Variants in PPM1H observed in about 807,000 individuals in gnomAD.
PPM1H encodes the protein protein phosphatase, Mg2+/Mn2+ dependent 1H.
Under a neutral mutation model 54.9 loss-of-function variants are expected in PPM1H, and 27 were observed. That is an observed-to-expected ratio of 0.49 (90% CI 0.36 to 0.68). The LOEUF is 0.68. Ranked by LOEUF, PPM1H falls within the 30% of genes least tolerant of loss-of-function variation. PPM1H has a pLI of 0.00. For missense variants in PPM1H, 596 were observed against 667.8 expected (o/e 0.89, Z 1.19); for synonymous variants, 305 against 270.8 (o/e 1.13, Z -1.24).
intron 9 of PPM1H, among the ~76,000 whole-genome samples, chr12:62,666,912 C>G (rs2075921446): frequency 6.6e-6 from 1 of 152,126 alleles, no homozygotes. Flanking sequence ...CAGGGTTTCA[C>G]CATGTTGGCC....
chr12:62,669,690 A>G (rs890198299), intron 8 of PPM1H, among the ~76,000 whole-genome samples: 1 of 152,092 alleles, frequency 6.6e-6, no homozygotes, highest in African/African-American at 2.4e-5. Context: ...CACTGCTAAT[A>G]GGAGGCCAAG....
intron 9 of PPM1H, among the ~76,000 whole-genome samples, chr12:62,660,095 T>C (rs1317941839): frequency 6.6e-6 from 1 of 152,226 alleles, no homozygotes; most frequent in Admixed American, 6.5e-5. Flanking sequence ...TGGCAACTTC[T>C]ACTCATATTT....
intron 2 of PPM1H, among the ~76,000 whole-genome samples, chr12:62,817,137 G>GAAAAAAAAAAAACAAAAAAAA (rs2076872383): frequency 1.5e-5 from 1 of 67,364 alleles, no homozygotes; most frequent in Non-Finnish European, 2.8e-5. Flanking sequence ...AAAAAAAAAA[G>GAAAAAAAAAAAACAAAAAAAA]AAAAAAAAAA....
At chr12:62,722,066 A>T (rs2120468995) in intron 5 of PPM1H, among the ~76,000 whole-genome samples, 1 of 152,186 alleles carries the variant, frequency 6.6e-6, no homozygotes, top group Non-Finnish European at 1.5e-5. Flanking sequence ...GCACTAAACT[A>T]AGCACGGCAC....
intron 1 of PPM1H, among the ~76,000 whole-genome samples, chr12:62,887,374 G>A (rs1042278461): frequency 3.3e-5 from 5 of 152,188 alleles, no homozygotes; most frequent in African/African-American, 1.2e-4. Context: ...TGTGGACCTT[G>A]CTGCTCCTTA....
chr12:62,789,400 G>A (rs1411408173), intron 3 of PPM1H, among the ~76,000 whole-genome samples: 4 of 152,172 alleles, frequency 2.6e-5, no homozygotes, highest in Admixed American at 2.6e-4. Flanking sequence ...CAGGAGTCAA[G>A]CCATGACTTA....
In PPM1H at chr12:62,876,535, C is replaced by T. The variant is rs187540067; in HGVS notation, c.246-44256G>A. Among the ~76,000 whole-genome samples the T allele has an allele frequency of 3.3e-5, 5 of 152,278 alleles. No individual in the cohort carries two copies. In the East Asian group the frequency reaches 7.7e-4, roughly 24 times the overall value. ...TAAAAAGACTTAAAACCATGACACA[C>T]GAGGATGTTCAACTTAGGAAAAGAA... On this transcript the variant is annotated intron_variant, in intron 1 of 9. Transcript: ENST00000228705.
rs115205980 is a variant in PPM1H, at chr12:62,777,475, C to G, written c.869+10751G>C. Among the ~76,000 whole-genome samples, 593 of 152,322 alleles carry G rather than the reference C, an allele frequency of 3.9e-3. 3 individuals are homozygous for G. The highest frequency in any genetic ancestry group is 0.014 in the African/African-American group (577 of 41,564). On this transcript the variant is annotated intron_variant, in intron 4 of 9. Transcript: ENST00000228705. ...TAAAAATATTCATTGAATCCTGCTC[C>G]TACCATGACATTTTACTCTGCTTAT...
At chr12:62,857,474 AT>A (rs1285918037) in intron 1 of PPM1H, among the ~76,000 whole-genome samples, 1 of 152,184 alleles carries the variant, frequency 6.6e-6, no homozygotes. Context: ...AATTTATTGT[AT>A]TTATTCACAT....
intron 1 of PPM1H, among the ~76,000 whole-genome samples, chr12:62,891,043 A>G (rs1385290939): frequency 7.6e-6 from 1 of 131,408 alleles, no homozygotes; most frequent in Non-Finnish European, 1.5e-5. Flanking sequence ...CAGGAGGTGG[A>G]GGTTGCAGTG....
At chr12:62,893,147 A>G (rs1565821912) in intron 1 of PPM1H, among the ~76,000 whole-genome samples, 1 of 152,230 alleles carries the variant, frequency 6.6e-6, no homozygotes, top group African/African-American at 2.4e-5. Flanking sequence ...AAAATAAGAA[A>G]ATATGTGACA....
intron 4 of PPM1H, among the ~76,000 whole-genome samples, chr12:62,771,132 G>A (rs1019065612): frequency 7.1e-6 from 1 of 140,604 alleles, no homozygotes; most frequent in Non-Finnish European, 1.5e-5. Context: ...CTTTTTAAAG[G>A]CTTTGTTGAA....
chr12:62,725,660 T>G (rs770852304), intron 5 of PPM1H, among the ~76,000 whole-genome samples: 3 of 152,238 alleles, frequency 2.0e-5, no homozygotes, highest in African/African-American at 7.2e-5. Flanking sequence ...TAGATTTGTA[T>G]GCTTTTCTCT....
Position 62,896,548 on chromosome 12 carries a change from A to C in PPM1H, c.245+37944T>G, listed in dbSNP as rs142841920. 5.0e-3 allele frequency among the ~76,000 whole-genome samples: 769 copies of C among 152,362 alleles called. 8 individuals are homozygous for C. The highest frequency in any genetic ancestry group is 0.031 in the Middle Eastern group (9 of 294). ...AGAAATGCAAATCAAAACCACAGTG[A>C]GGTACCATCTCACACCAGTTAGAAT... On this transcript the variant is annotated intron_variant, in intron 1 of 9. Coordinates refer to ENST00000228705, the MANE Select transcript of PPM1H (RefSeq NM_020700.2).
intron 1 of PPM1H, among the ~76,000 whole-genome samples, chr12:62,862,159 G>A (rs991224926): frequency 7.9e-5 from 12 of 152,130 alleles, no homozygotes; most frequent in Non-Finnish European, 5.9e-5. Flanking sequence ...CCCAGAGAGC[G>A]GGCTGCTGAC....
chr12:62,747,505 TG>T (rs1185414867), intron 4 of PPM1H, among the ~76,000 whole-genome samples: 1 of 152,168 alleles, frequency 6.6e-6, no homozygotes, highest in Admixed American at 6.5e-5. Flanking sequence ...CCGAAAGTGT[TG>T]GGATGGCAGG....
chr12:62,790,435 G>T (rs554049130), intron 3 of PPM1H, among the ~76,000 whole-genome samples: 38 of 152,296 alleles, frequency 2.5e-4, no homozygotes, highest in African/African-American at 7.9e-4. Context: ...AGCTGGGTGT[G>T]GTGGCACATG....
At chr12:62,766,215 C>G (rs1259259797) in intron 4 of PPM1H, among the ~76,000 whole-genome samples, 1 of 151,990 alleles carries the variant, frequency 6.6e-6, no homozygotes, top group Non-Finnish European at 1.5e-5. Flanking sequence ...ACTTAGTGGC[C>G]TAAGAAAACA....
At chr12:62,752,300 C>T (rs539644267) in intron 4 of PPM1H, among the ~76,000 whole-genome samples, 3 of 152,068 alleles carry the variant, frequency 2.0e-5, no homozygotes, top group Middle Eastern at 3.4e-3. Flanking sequence ...CTTGGAACTT[C>T]GTTATTTTTG....
Sources: gnomAD v4.1 joint callset for allele counts (sites outside exome capture counted in the v4.1 genomes callset) on GRCh38, gnomAD v4.1.1 for gene constraint, MANE v1.5 for transcripts, NCBI Gene and HGNC (gene_info 2026-07-23, HGNC 2026-07-21) for gene names.